RASGRF1: variants seen among roughly 807,000 people sequenced by gnomAD.
The protein encoded by RASGRF1 is ras-specific guanine nucleotide-releasing factor 1.
Under a neutral mutation model 138.7 loss-of-function variants are expected in RASGRF1, and 40 were observed. The observed-to-expected ratio is 0.29, with a 90% CI of 0.22 to 0.38. RASGRF1 has a LOEUF of 0.38. Among genes scored for constraint, RASGRF1 ranks in the 10% least tolerant of loss-of-function variants. RASGRF1 has a pLI of 1.00. For missense variants in RASGRF1, 1,108 were observed against 1,650.4 expected, an observed-to-expected ratio of 0.67 and a Z score of 5.69; for synonymous variants, 614 against 663.2, an observed-to-expected ratio of 0.93 and a Z score of 1.14.
chr15:79,015,322 C>T lies in RASGRF1; in HGVS notation c.1826+5G>A. 1.2e-6 allele frequency: 2 copies of T among 1,611,462 alleles called. No homozygotes were observed. The highest frequency in any genetic ancestry group is 1.7e-6 in the Non-Finnish European group (2 of 1,177,526). ...CCTGGTCAAGATGGGGTTAAGGGCA[C>T]TTACTTGATCATCTGCGGCACAGTG... On this transcript the variant is annotated splice_donor_5th_base_variant and intron_variant, in intron 13 of 26. Coordinates refer to ENST00000558480, the MANE Select transcript of RASGRF1 (RefSeq NM_001145648.3).
intron 14 of RASGRF1, 38 bp from the exon 15 acceptor site, chr15:79,004,213 A>AGGCC (rs1170429945): frequency 2.0e-6 from 3 of 1,518,802 alleles, no homozygotes; most frequent in African/African-American, 1.4e-5. Context: ...CAGTTAGCGT[A>AGGCC]GGCCTGCCTG....
At chr15:78,962,384 C>T in intron 26 of RASGRF1, 148 bp from the exon 27 acceptor site, 2 of 590,516 alleles carry the variant, frequency 3.4e-6, no homozygotes, top group South Asian at 2.2e-5. Context: ...AGTAGTGTTC[C>T]ATCTTGACAT....
chr15:79,049,690 T>G, intron 3 of RASGRF1, 102 bp from the exon 4 acceptor site: 1 of 887,244 alleles, frequency 1.1e-6, no homozygotes, highest in Middle Eastern at 3.4e-4. Context: ...CCGAGTGCCC[T>G]GCCTCTTCTT....
At chr15:79,042,280 G>T (rs1334525368) in intron 5 of RASGRF1, among the ~76,000 whole-genome samples, 1 of 152,222 alleles carries the variant, frequency 6.6e-6, no homozygotes, top group African/African-American at 2.4e-5. Flanking sequence ...GGTTTCTAAT[G>T]TGGCTGTATA....
At chr15:78,978,215 C>CTTTTTTTT (rs2055915117) in intron 24 of RASGRF1, among the ~76,000 whole-genome samples, 6 of 79,342 alleles carry the variant, frequency 7.6e-5, no homozygotes, top group African/African-American at 3.1e-4. Context: ...TTTTTCTTTT[C>CTTTTTTTT]TTTTGTTTTT....
At chr15:79,001,497 G>A (rs1054782274) in intron 16 of RASGRF1, among the ~76,000 whole-genome samples, 165 bp downstream of exon 16, 1 of 152,168 alleles carries the variant, frequency 6.6e-6, no homozygotes, top group Non-Finnish European at 1.5e-5. Flanking sequence ...GGGGTGGCGG[G>A]GGGCGGGTGG....
intron 13 of RASGRF1, among the ~76,000 whole-genome samples, chr15:79,011,867 T>C (rs2056801367): frequency 6.6e-6 from 1 of 152,086 alleles, no homozygotes; most frequent in African/African-American, 2.4e-5. Flanking sequence ...TGATACACTA[T>C]TAGCCAGGTG....
At chr15:78,993,047 A>G (rs1374791117) in intron 20 of RASGRF1, among the ~76,000 whole-genome samples, 2 of 137,150 alleles carry the variant, frequency 1.5e-5, no homozygotes, top group Non-Finnish European at 3.2e-5. Context: ...TGTGTGTGCC[A>G]TGTGGGTGGT....
intron 20 of RASGRF1, among the ~76,000 whole-genome samples, chr15:78,992,160 C>T (rs1409528481): frequency 1.3e-5 from 2 of 152,234 alleles, no homozygotes; most frequent in Non-Finnish European, 2.9e-5. Flanking sequence ...GAGCCCAGGT[C>T]GTCTGACTTC....
intron 5 of RASGRF1, among the ~76,000 whole-genome samples, chr15:79,041,094 G>T (rs774751576): frequency 6.6e-6 from 1 of 152,198 alleles, no homozygotes; most frequent in Non-Finnish European, 1.5e-5. Context: ...ACAGCTCATG[G>T]GCCAAATCTA....
rs1449367080 is a variant in RASGRF1, at chr15:79,015,317, G to T, written c.1826+10C>A. The T allele has an allele frequency of 2.5e-6, 4 of 1,608,924 alleles. No homozygotes were observed. The East Asian group carries it at 8.9e-5, about 36-fold the overall frequency. On this transcript the variant is annotated intron_variant, in intron 13 of 26. Coordinates refer to ENST00000558480, the MANE Select transcript of RASGRF1 (RefSeq NM_001145648.3). ...TGCTGCCTGGTCAAGATGGGGTTAA[G>T]GGCACTTACTTGATCATCTGCGGCA...
At position 78,960,059 on chromosome 15, in the gene RASGRF1, T is replaced by A. The variant is rs2055519479; in HGVS notation, c.*2085A>T. ...AGGTTAAGTGACTTGGCTGAGCTCA[T>A]GAAGCAGGTAAAGCTGGCAATCAAA... On this transcript the variant is annotated 3_prime_UTR_variant, in exon 27 of 27. Coordinates refer to ENST00000558480, the MANE Select transcript of RASGRF1 (RefSeq NM_001145648.3). 2 of 152,214 alleles carry A rather than the reference T, an allele frequency of 1.3e-5. No individual in the cohort carries two copies. The highest frequency in any genetic ancestry group is 4.1e-4 in the South Asian group (2 of 4,824). The allele number at this position is 152,214 out of a possible 1,614,324, so 9.4% of individuals were successfully genotyped here.
intron 26 of RASGRF1, among the ~76,000 whole-genome samples, chr15:78,966,937 C>A (rs2055655078): frequency 6.6e-6 from 1 of 152,022 alleles, no homozygotes; most frequent in African/African-American, 2.4e-5. Context: ...GCTGAACTGA[C>A]AATTATTTGG....
chr15:79,003,592 T>TC (rs969754705), intron 15 of RASGRF1, among the ~76,000 whole-genome samples: 50 of 152,188 alleles, frequency 3.3e-4, no homozygotes, highest in Admixed American at 3.0e-3. Context: ...TCTGCCTGCC[T>TC]CCCCCCGCAG....
intron 2 of RASGRF1, among the ~76,000 whole-genome samples, chr15:79,060,428 A>C (rs2057588277): frequency 6.6e-6 from 1 of 152,236 alleles, no homozygotes; most frequent in Non-Finnish European, 1.5e-5. Context: ...GTTCACAGGT[A>C]GGTGGTATTG....
chr15:79,025,184 C>CTG (rs2140988720), intron 10 of RASGRF1, 130 bp downstream of exon 10: 198 of 1,030,186 alleles, frequency 1.9e-4, no homozygotes, highest in Non-Finnish European at 2.2e-4. Flanking sequence ...GTGTGTATAT[C>CTG]TGTGTGTGTG....
At chr15:79,068,010 C>T (rs2057702143) in intron 1 of RASGRF1, among the ~76,000 whole-genome samples, 1 of 152,140 alleles carries the variant, frequency 6.6e-6, no homozygotes, top group African/African-American at 2.4e-5. Flanking sequence ...AAACCTAAAA[C>T]ACAACCAGTG....
chr15:79,015,170 A>AAAAC (rs564308255), intron 13 of RASGRF1, among the ~76,000 whole-genome samples, 157 bp downstream of exon 13: 5 of 152,242 alleles, frequency 3.3e-5, no homozygotes, highest in South Asian at 2.1e-4. Flanking sequence ...CACCCAACTC[A>AAAAC]AAACAAACAA....
chr15:79,025,281 G>A, intron 10 of RASGRF1, 33 bp downstream of exon 10: 1 of 1,552,980 alleles, frequency 6.4e-7, no homozygotes, highest in Non-Finnish European at 8.7e-7. Context: ...CCCTAGCTGG[G>A]CAGCCCCCAA....
Sources: gnomAD v4.1 joint callset for allele counts (sites outside exome capture counted in the v4.1 genomes callset) on GRCh38, gnomAD v4.1.1 for gene constraint, MANE v1.5 for transcripts, NCBI Gene and HGNC (gene_info 2026-07-23, HGNC 2026-07-21) for gene names.